The following PCDHGA9 variants were observed in gnomAD, a reference collection of about 807,000 sequenced individuals.
The protein encoded by PCDHGA9 is protocadherin gamma subfamily A, 9, also known as protocadherin gamma-A9.
PCDHGA9 carries 37 observed loss-of-function variants against 62.5 expected under a neutral mutation model. That is an observed-to-expected ratio of 0.59 (90% CI 0.46 to 0.78). PCDHGA9 has a LOEUF of 0.78. PCDHGA9 is among the 30% of genes least tolerant of loss of function. The pLI, the probability that PCDHGA9 is intolerant of heterozygous loss-of-function variation, is 0.00. For synonymous variants in PCDHGA9, 459 were observed against 484.6 expected, an observed-to-expected ratio of 0.95 and a Z score of 0.69; for missense variants, 1,138 against 1,166.2, an observed-to-expected ratio of 0.98 and a Z score of 0.35.
intron 1 of PCDHGA9, among the ~76,000 whole-genome samples, chr5:141,456,101 G>A (rs1231843666): frequency 6.6e-6 from 1 of 151,970 alleles, no homozygotes; most frequent in African/African-American, 2.4e-5. Context: ...ATTTCACCGT[G>A]TTAGCCAGGA....
At chr5:141,472,745 G>A (rs931198460) in intron 1 of PCDHGA9, among the ~76,000 whole-genome samples, 4 of 152,038 alleles carry the variant, frequency 2.6e-5, no homozygotes, top group African/African-American at 9.7e-5. Flanking sequence ...CAGCACTTTG[G>A]GAGGCGGAGG....
intron 1 of PCDHGA9, chr5:141,418,165 T>G (rs1296752918): frequency 6.2e-7 from 1 of 1,614,034 alleles, no homozygotes. Flanking sequence ...GAAGAAGATG[T>G]GAGTTGCAAT....
chr5:141,509,809 A>G (rs13163163), intron 3 of PCDHGA9, among the ~76,000 whole-genome samples: 35,240 of 151,962 alleles, frequency 0.23, 4,247 homozygotes, highest in Admixed American at 0.33. Context: ...CATAGAGCCG[A>G]GCTCTTCTCC....
chr5:141,455,109 G>A (rs2098813382), intron 1 of PCDHGA9, among the ~76,000 whole-genome samples: 1 of 151,932 alleles, frequency 6.6e-6, no homozygotes, highest in South Asian at 2.1e-4. Context: ...ACTGCGCCCG[G>A]TGGGTCTAAT....
rs375127524 is a variant in PCDHGA9 at position 141,490,702 on chromosome 5, C to T, written c.2425-4105C>T. ...AGATCCAGACACTGGGGATAATGCC[C>T]GCCTCACCTACTCCATTGTAGGAAA... On this transcript the variant is annotated intron_variant, in intron 1 of 3. Coordinates refer to ENST00000573521, the MANE Select transcript of PCDHGA9 (RefSeq NM_018921.3). The surrounding 1 kb of genome is among the most constrained non-coding windows in gnomAD (Gnocchi z 5.4). 36 of 1,614,060 alleles carry T rather than the reference C, an allele frequency of 2.2e-5. No homozygotes were observed. Among genetic ancestry groups the T allele is most frequent in the South Asian group, 7.7e-5 (7 of 91,090 alleles).
Position 141,404,387 on chromosome 5 carries a change from C to A in PCDHGA9, c.1435C>A (p.Pro479Thr). The A allele has an allele frequency of 6.2e-7, 1 of 1,613,874 alleles. No homozygotes were observed. Among genetic ancestry groups the A allele is most frequent in the Non-Finnish European group, 8.5e-7 (1 of 1,179,870 alleles). Residue 479 changes from proline (P) to threonine (T), a missense_variant, in exon 1 of 4, where the codon CCT becomes ACT. Pro to Thr is a conservative substitution (Grantham distance 38). Transcript: ENST00000573521. ...CATCTTCTCCGTGATTGCCTATGACCCTGATAGCAATGAGAATTCTAGAGT... is the reference window on the plus strand; with the variant it reads ...CATCTTCTCCGTGATTGCCTATGACACTGATAGCAATGAGAATTCTAGAGT... ...TSIFSVIAYD[P>T]DSNENSRVIY...
chr5:141,474,628 A>C (rs1169097645), intron 1 of PCDHGA9, among the ~76,000 whole-genome samples: 1 of 152,234 alleles, frequency 6.6e-6, no homozygotes, highest in Non-Finnish European at 1.5e-5. Flanking sequence ...TCTCTTCCGG[A>C]AATATCCTAT....
In PCDHGA9 at chr5:141,428,992, C is replaced by A. The variant is rs986416866; in HGVS notation, c.2424+23616C>A. The A allele has an allele frequency of 1.3e-4, 20 of 152,092 alleles. 1 individual carries two copies. Among genetic ancestry groups the A allele is most frequent in the Admixed American group, 1.2e-3 (18 of 15,248 alleles). 9.4% of individuals were successfully genotyped at this position (152,092 alleles called of 1,614,324 possible). On this transcript the variant is annotated intron_variant, in intron 1 of 3. Transcript: ENST00000573521. Reference sequence around the variant, plus strand: ...GCCTCAGCCTCCCGGGTAGCTGGGACTACAGGCGCCCGCCACCACGCCCGG... The same window carrying A: ...GCCTCAGCCTCCCGGGTAGCTGGGAATACAGGCGCCCGCCACCACGCCCGG...
intron 1 of PCDHGA9, among the ~76,000 whole-genome samples, chr5:141,453,315 T>A (rs1410108522): frequency 6.6e-6 from 1 of 151,214 alleles, no homozygotes; most frequent in African/African-American, 2.5e-5. Context: ...TTATTTATTT[T>A]AGAGATGGGG....
chr5:141,488,292 G>A (rs961688781), intron 1 of PCDHGA9, among the ~76,000 whole-genome samples: 1 of 152,216 alleles, frequency 6.6e-6, no homozygotes, highest in African/African-American at 2.4e-5. Flanking sequence ...AAAACAGTAA[G>A]TGAAATCACT....
chr5:141,482,016 C>T (rs2099550411), intron 1 of PCDHGA9, among the ~76,000 whole-genome samples: 1 of 148,596 alleles, frequency 6.7e-6, no homozygotes, highest in African/African-American at 2.5e-5. Context: ...TCTCAGGAAG[C>T]AGAGGTTGCA....
intron 1 of PCDHGA9, among the ~76,000 whole-genome samples, chr5:141,488,613 A>C (rs1214413025): frequency 1.3e-5 from 2 of 152,158 alleles, no homozygotes; most frequent in Non-Finnish European, 2.9e-5. Flanking sequence ...GTTCTTACTA[A>C]TCTTTTCTCT....
chr5:141,431,748 G>A lies in PCDHGA9; in HGVS notation c.2424+26372G>A, dbSNP rs759671844. On this transcript the variant is annotated intron_variant, in intron 1 of 3. Coordinates refer to ENST00000573521, the MANE Select transcript of PCDHGA9 (RefSeq NM_018921.3). This position sits in a 1 kb window ranked among gnomAD's most constrained non-coding sequence, Gnocchi z 4.8. ...ATGGATAATGCAGGATATTCTGCGC[G>A]AGCCAAAGTCCTGATCACTGTTCTG... 4 of 1,614,078 alleles carry A rather than the reference G, an allele frequency of 2.5e-6. No individual in the cohort carries two copies. Among genetic ancestry groups the A allele is most frequent in the African/African-American group, 1.3e-5 (1 of 74,934 alleles).
chr5:141,428,052 G>A (rs750852525), intron 1 of PCDHGA9: 6 of 1,608,992 alleles, frequency 3.7e-6, no homozygotes, highest in East Asian at 4.5e-5. Context: ...GACCAAGGTG[G>A]TGGCGGTGGA....
At chr5:141,510,447 C>T (rs1270073364) in intron 3 of PCDHGA9, among the ~76,000 whole-genome samples, 1 of 152,026 alleles carries the variant, frequency 6.6e-6, no homozygotes, top group Non-Finnish European at 1.5e-5. Flanking sequence ...CTCCAGGAGC[C>T]CATGGTCTAG....
chr5:141,452,791 C>T (rs1202677389), intron 1 of PCDHGA9, among the ~76,000 whole-genome samples: 2 of 152,156 alleles, frequency 1.3e-5, no homozygotes, highest in Non-Finnish European at 2.9e-5. Context: ...AACATACCAT[C>T]ATTTTTGCTG....
rs563057370 is a variant in PCDHGA9 at position 141,491,297 on chromosome 5, A to G, written c.2425-3510A>G. 1.2e-6 allele frequency: 2 copies of G among 1,614,106 alleles called. No homozygotes were observed. Among genetic ancestry groups the G allele is most frequent in the African/African-American group, 2.7e-5 (2 of 75,038 alleles). On this transcript the variant is annotated intron_variant, in intron 1 of 3. Transcript: ENST00000573521. This position sits in a 1 kb window ranked among gnomAD's most constrained non-coding sequence, Gnocchi z 6.9. The stretch of plus-strand genomic sequence containing the variant: ...AGTGACTTCCTCATACACCCTCCTG[A>G]GCGTTCAGACCTTACCCTTTACCTC...
At position 141,489,651 on chromosome 5, in the gene PCDHGA9, G is replaced by A; in HGVS notation, c.2425-5156G>A. 6.2e-7 allele frequency: 1 copy of A among 1,614,186 alleles called. No individual in the cohort carries two copies. Among genetic ancestry groups the A allele is most frequent in the Non-Finnish European group, 8.5e-7 (1 of 1,180,032 alleles). ...ACTCTCCTAGCTTTGCCACCCCTGA[G>A]CGAGAGATGCGCATCTCAGAATCAG... On this transcript the variant is annotated intron_variant, in intron 1 of 3. Coordinates refer to ENST00000573521, the MANE Select transcript of PCDHGA9 (RefSeq NM_018921.3). The surrounding 1 kb of genome is among the most constrained non-coding windows in gnomAD (Gnocchi z 4.5).
chr5:141,510,853 CTGT>C, intron 3 of PCDHGA9, 91 bp from the exon 4 acceptor site: 3 of 1,601,238 alleles, frequency 1.9e-6, no homozygotes, highest in Middle Eastern at 1.7e-4. Context: ...GCCCAGGGTG[CTGT>C]ATAGGCATTC....
Sources: gnomAD v4.1 joint callset for allele counts (sites outside exome capture counted in the v4.1 genomes callset) on GRCh38, gnomAD v4.1.1 for gene constraint, Gnocchi (gnomAD v3.1) non-coding constraint, MANE v1.5 for transcripts, NCBI Gene and HGNC (gene_info 2026-07-23, HGNC 2026-07-21) for gene names.